The following LRP12 variants were observed in gnomAD, a reference collection of about 807,000 sequenced individuals.
LRP12 encodes low-density lipoprotein receptor-related protein 12.
LRP12 carries 14 observed loss-of-function variants against 66.0 expected under a neutral mutation model. That is an observed-to-expected ratio of 0.21 (90% CI 0.14 to 0.33). The LOEUF is 0.33. LRP12 is among the 10% of genes least tolerant of loss of function. The pLI is 1.00. For synonymous variants in LRP12, 357 were observed against 359.1 expected, an observed-to-expected ratio of 0.99 and a Z score of 0.07; for missense variants, 889 against 1,053.4, an observed-to-expected ratio of 0.84 and a Z score of 2.16.
chr8:104,529,805 T>C (rs908512388), intron 2 of LRP12, among the ~76,000 whole-genome samples: 1 of 152,210 alleles, frequency 6.6e-6, no homozygotes, highest in Non-Finnish European at 1.5e-5. Context: ...GATTCCACAT[T>C]GCAACTAACC....
chr8:104,497,193 T>C lies in LRP12; in HGVS notation c.1359A>G (p.Pro453=), dbSNP rs1418321164. 1.2e-6 allele frequency: 2 copies of C among 1,610,852 alleles called. No homozygotes were observed. The highest frequency in any genetic ancestry group is 8.5e-7 in the Non-Finnish European group (1 of 1,178,448). ...SDEKNCFFCQ[P]GNFHCKNNRC... is the part of the protein sequence containing the mutation. ...GATTGTTTTTACAATGGAAATTTCC[T>C]GGTTGGCAAAAAAAGCAGTTTTTTT... The change falls in exon 5 of 7, where the codon CCA becomes CCG. Residue 453 remains proline (P), a synonymous_variant. Coordinates refer to ENST00000276654, the MANE Select transcript of LRP12 (RefSeq NM_013437.5). This position sits in a 1 kb window ranked among gnomAD's most constrained non-coding sequence, Gnocchi z 4.3.
intron 1 of LRP12, among the ~76,000 whole-genome samples, chr8:104,562,663 A>G (rs1811931663): frequency 6.6e-6 from 1 of 152,128 alleles, no homozygotes; most frequent in Non-Finnish European, 1.5e-5. Context: ...CTGCTTTTGA[A>G]GTTAATCTTT....
intron 1 of LRP12, among the ~76,000 whole-genome samples, chr8:104,548,274 T>A (rs1175294101): frequency 6.7e-5 from 6 of 89,360 alleles, no homozygotes; most frequent in Admixed American, 1.9e-4. Context: ...ATGATATATA[T>A]TATATTAATA....
rs1452843198 is a variant in LRP12 at position 104,539,427 on chromosome 8, TA to T, written c.80-7465del. 9.2e-5 allele frequency among the ~76,000 whole-genome samples: 14 copies of T among 152,216 alleles called. No individual in the cohort carries two copies. In the Middle Eastern group the frequency reaches 0.017, roughly 185 times the overall value. On this transcript the variant is annotated intron_variant, in intron 1 of 6. Transcript: ENST00000276654. ...TGTTAGGGCCTAGGTTTTGGGTACA[TA>T]GGGGGTCATTATCCTGTCCTATCTA...
intron 1 of LRP12, among the ~76,000 whole-genome samples, chr8:104,541,671 C>T (rs1483234739): frequency 1.3e-5 from 2 of 152,054 alleles, no homozygotes; most frequent in East Asian, 3.9e-4. Flanking sequence ...TTTTCTCTTC[C>T]CCACATCCCC....
chr8:104,559,979 T>C lies in LRP12; in HGVS notation c.80-28016A>G, dbSNP rs569030438. On this transcript the variant is annotated intron_variant, in intron 1 of 6. Coordinates refer to ENST00000276654, the MANE Select transcript of LRP12 (RefSeq NM_013437.5). The stretch of plus-strand genomic sequence containing the variant: ...GTAGATATTGTCTCCAGTTTACCAA[T>C]GAAGAAACTAAACTTCAGATAAGTA... 1.8e-4 allele frequency among the ~76,000 whole-genome samples: 27 copies of C among 152,252 alleles called. 1 individual carries two copies. The highest frequency in any genetic ancestry group is 6.3e-4 in the African/African-American group (26 of 41,546).
rs1810621858 is a variant in LRP12 at position 104,491,188 on chromosome 8, C to T, written c.2065G>A (p.Val689Ile). 3.1e-6 allele frequency: 5 copies of T among 1,614,008 alleles called. No individual in the cohort carries two copies. The highest frequency in any genetic ancestry group is 1.1e-5 in the South Asian group (1 of 91,078). Residue 689 changes from valine to isoleucine, a missense_variant, in exon 7 of 7, where the codon GTA becomes ATA. Transcript: ENST00000276654. ...VPPTTAVEAT[V>I]GACASSSTQS... The stretch of plus-strand genomic sequence containing the variant: ...GTTGAGGAACTTGCACATGCTCCTA[C>T]TGTCGCTTCTACTGCCGTTGTGGGA...
chr8:104,565,123 G>A (rs115814474), intron 1 of LRP12, among the ~76,000 whole-genome samples: 1,976 of 152,004 alleles, frequency 0.013, 48 homozygotes, highest in African/African-American at 0.044. Context: ...AAACCTTCAG[G>A]ATAAAATGGA....
chr8:104,547,972 TATATA>T (rs1276941071), intron 1 of LRP12, among the ~76,000 whole-genome samples: 1 of 119,740 alleles, frequency 8.4e-6, no homozygotes, highest in Non-Finnish European at 1.6e-5. Flanking sequence ...TTATATTTTG[TATATA>T]ATATATAATT....
At position 104,568,155 on chromosome 8, in the gene LRP12, G is replaced by A. The variant is rs182435055; in HGVS notation, c.79+20664C>T. Among the ~76,000 whole-genome samples, 32 of 152,218 alleles carry A rather than the reference G, an allele frequency of 2.1e-4. No homozygotes were observed. The East Asian group carries it at 5.6e-3, about 27-fold the overall frequency. ...CAGTTGATTTTCAACAAGGGTGCCA[G>A]GAGGATTAAATGGGAGAAAGACTGG... On this transcript the variant is annotated intron_variant, in intron 1 of 6. Transcript: ENST00000276654.
At chr8:104,546,891 AATT>A (rs968962091) in intron 1 of LRP12, among the ~76,000 whole-genome samples, 1 of 87,518 alleles carries the variant, frequency 1.1e-5, no homozygotes, top group Non-Finnish European at 2.3e-5. Context: ...TTCTTCTTAT[AATT>A]ATTATTATAT....
intron 1 of LRP12, among the ~76,000 whole-genome samples, chr8:104,561,150 A>G (rs1284065665): frequency 6.6e-6 from 1 of 152,218 alleles, no homozygotes; most frequent in Non-Finnish European, 1.5e-5. Context: ...AAACAAAACA[A>G]AACAACGTTA....
intron 1 of LRP12, among the ~76,000 whole-genome samples, chr8:104,560,847 C>G (rs551221338): frequency 9.2e-5 from 14 of 152,132 alleles, no homozygotes; most frequent in Admixed American, 1.3e-4. Context: ...GCGCTTAAGT[C>G]TCTCTTAGCC....
intron 1 of LRP12, among the ~76,000 whole-genome samples, chr8:104,549,681 C>T (rs1048245850): frequency 1.3e-5 from 2 of 152,152 alleles, no homozygotes; most frequent in South Asian, 2.1e-4. Context: ...GGATTACAGG[C>T]GTGAGCCCCC....
Position 104,497,087 on chromosome 8 carries a change from C to A in LRP12, c.1465G>T (p.Val489Leu). The A allele has an allele frequency of 6.2e-7, 1 of 1,613,496 alleles. No homozygotes were observed. The highest frequency in any genetic ancestry group is 8.5e-7 in the Non-Finnish European group (1 of 1,179,684). The stretch of plus-strand genomic sequence containing the variant: ...GCAGCAGTGATGACTCTTGTAGGCA[C>A]GATTACTGGGCAATTTTCTTCATCG... Reference protein sequence around the residue: ...GSDEENCPVIVPTRVITAAVI... With the variant: ...GSDEENCPVILPTRVITAAVI... Residue 489 changes from valine to leucine, a missense_variant, in exon 5 of 7, where the codon GTG (valine) becomes TTG (leucine). This residue lies in a region of LRP12 where 800 missense variants were observed against 964.5 expected (regional missense o/e 0.83). Coordinates refer to ENST00000276654, the MANE Select transcript of LRP12 (RefSeq NM_013437.5). The surrounding 1 kb of genome is among the most constrained non-coding windows in gnomAD (Gnocchi z 4.3).
intron 2 of LRP12, among the ~76,000 whole-genome samples, chr8:104,524,134 C>T (rs932524930): frequency 2.0e-5 from 3 of 149,410 alleles, no homozygotes; most frequent in Admixed American, 1.4e-4. Flanking sequence ...CCCAGCTACT[C>T]GGGAGGCTGA....
intron 1 of LRP12, among the ~76,000 whole-genome samples, chr8:104,537,944 T>C (rs1811413420): frequency 6.6e-6 from 1 of 152,192 alleles, no homozygotes; most frequent in Non-Finnish European, 1.5e-5. Context: ...GGCTGTGTGC[T>C]GGCTTCCTCA....
chr8:104,546,982 A>G (rs990192759), intron 1 of LRP12, among the ~76,000 whole-genome samples: 1 of 144,808 alleles, frequency 6.9e-6, no homozygotes, highest in Admixed American at 7.0e-5. Context: ...AATTCTATAC[A>G]TTTTGTATAT....
chr8:104,519,577 C>A (rs1167642047), intron 2 of LRP12, among the ~76,000 whole-genome samples: 1 of 151,878 alleles, frequency 6.6e-6, no homozygotes, highest in Non-Finnish European at 1.5e-5. Context: ...GATTCTGGAG[C>A]ATTTCAAATT....
Sources: allele counts gnomAD v4.1 joint callset (sites outside exome capture counted in the v4.1 genomes callset), GRCh38; gene constraint gnomAD v4.1.1; regional missense constraint gnomAD v4.1.1; non-coding constraint Gnocchi (gnomAD v3.1); transcripts MANE v1.5; gene names NCBI Gene and HGNC (gene_info 2026-07-23, HGNC 2026-07-21).